NPAS3: variants seen among roughly 807,000 people sequenced by gnomAD.
NPAS3 encodes neuronal PAS domain protein 3.
A neutral mutation model predicts 73.1 loss-of-function variants in NPAS3; 14 were observed. The observed-to-expected ratio is 0.19, with a 90% CI of 0.13 to 0.30. The LOEUF is 0.30. Among genes scored for constraint, NPAS3 ranks in the 10% least tolerant of loss-of-function variants. NPAS3 has a pLI of 1.00. For missense variants in NPAS3, 1,096 were observed against 1,250.0 expected (o/e 0.88, Z 1.86); for synonymous variants, 620 against 541.5 (o/e 1.14, Z -2.01).
chr14:33,721,542 A>G (rs1228241548), intron 6 of NPAS3, among the ~76,000 whole-genome samples: 1 of 152,226 alleles, frequency 6.6e-6, no homozygotes, highest in Admixed American at 6.5e-5. Flanking sequence ...ATTGTCTCCC[A>G]TGCAGACAGT....
intron 2 of NPAS3, among the ~76,000 whole-genome samples, chr14:33,105,095 A>C (rs1039087688): frequency 6.6e-6 from 1 of 152,156 alleles, no homozygotes; most frequent in South Asian, 2.1e-4. Flanking sequence ...CCAGTAATCC[A>C]TAGGTTTGTA....
chr14:32,981,235 T>A (rs1021826407), intron 1 of NPAS3, among the ~76,000 whole-genome samples: 3 of 152,200 alleles, frequency 2.0e-5, no homozygotes, highest in Admixed American at 1.3e-4. Context: ...GAATTTAGAT[T>A]TTAACCCAGC....
chr14:32,987,010 GGT>G (rs984429182), intron 1 of NPAS3, among the ~76,000 whole-genome samples: 5 of 152,094 alleles, frequency 3.3e-5, no homozygotes, highest in African/African-American at 1.2e-4. Context: ...GGAAGAGAGC[GGT>G]GTGCCTGGGC....
At chr14:33,799,519 T>G (rs997067617) in intron 11 of NPAS3, among the ~76,000 whole-genome samples, 2 of 152,154 alleles carry the variant, frequency 1.3e-5, no homozygotes, top group African/African-American at 2.4e-5. Context: ...GCCCGCACTT[T>G]GAGTAACCAT....
At chr14:33,217,012 G>T (rs1366008507) in intron 3 of NPAS3, among the ~76,000 whole-genome samples, 1 of 152,142 alleles carries the variant, frequency 6.6e-6, no homozygotes. Context: ...AACAAAAAAG[G>T]TTTAATTGAC....
intron 3 of NPAS3, among the ~76,000 whole-genome samples, chr14:33,276,224 C>G (rs570110063): frequency 6.6e-6 from 1 of 152,136 alleles, no homozygotes; most frequent in East Asian, 1.9e-4. Context: ...CTGTGACTTG[C>G]AAAAAGTGTT....
At chr14:33,448,674 G>T (rs1480328573) in intron 4 of NPAS3, among the ~76,000 whole-genome samples, 2 of 152,156 alleles carry the variant, frequency 1.3e-5, no homozygotes, top group Non-Finnish European at 2.9e-5. Flanking sequence ...AATTTTGGTG[G>T]TCTTTATCAT....
At chr14:33,796,879 G>A (rs74044750) in intron 10 of NPAS3, among the ~76,000 whole-genome samples, 4 of 152,274 alleles carry the variant, frequency 2.6e-5, no homozygotes, top group African/African-American at 4.8e-5. Context: ...TACACCACAC[G>A]AGCAGATGAA....
intron 5 of NPAS3, among the ~76,000 whole-genome samples, chr14:33,591,351 C>G (rs1282544669): frequency 1.3e-5 from 2 of 152,176 alleles, no homozygotes; most frequent in Non-Finnish European, 2.9e-5. Context: ...AAGCTCCACA[C>G]AAACAATTAT....
chr14:33,211,806 T>C (rs559503132), intron 2 of NPAS3, among the ~76,000 whole-genome samples: 8 of 152,108 alleles, frequency 5.3e-5, no homozygotes, highest in African/African-American at 9.7e-5. Context: ...TCAAAAAGAG[T>C]TGAAATTTTC....
chr14:33,514,234 A>C (rs1413356667), intron 4 of NPAS3, among the ~76,000 whole-genome samples: 1 of 152,054 alleles, frequency 6.6e-6, no homozygotes, highest in African/African-American at 2.4e-5. Flanking sequence ...TGGTATAAGG[A>C]ATAGTGCCTT....
chr14:33,384,976 C>T (rs2046715426), intron 4 of NPAS3, among the ~76,000 whole-genome samples: 1 of 152,030 alleles, frequency 6.6e-6, no homozygotes, highest in Admixed American at 6.6e-5. Flanking sequence ...GTAGGTTGGT[C>T]TTGGGAGGTA....
chr14:33,337,240 T>C (rs1328154280), intron 3 of NPAS3, among the ~76,000 whole-genome samples: 1 of 152,178 alleles, frequency 6.6e-6, no homozygotes, highest in East Asian at 1.9e-4. Context: ...CATTTTGAAT[T>C]AATTTTTGCT....
chr14:33,738,655 GA>G (rs2061582777), intron 7 of NPAS3, among the ~76,000 whole-genome samples: 1 of 152,150 alleles, frequency 6.6e-6, no homozygotes, highest in South Asian at 2.1e-4. Flanking sequence ...TCTCTCCAGT[GA>G]AGTTTCCCAA....
chr14:33,218,004 T>C (rs551942711), intron 3 of NPAS3, among the ~76,000 whole-genome samples: 9 of 152,294 alleles, frequency 5.9e-5, no homozygotes, highest in African/African-American at 2.2e-4. Context: ...CATTTTTATT[T>C]TGTGGCCTTC....
intron 6 of NPAS3, among the ~76,000 whole-genome samples, chr14:33,726,437 T>C (rs936551687): frequency 4.6e-5 from 7 of 152,152 alleles, no homozygotes; most frequent in African/African-American, 1.7e-4. Flanking sequence ...TGTAAAGCCT[T>C]TTACCAATCT....
chr14:33,466,879 A>G (rs901901492), intron 4 of NPAS3, among the ~76,000 whole-genome samples: 6 of 152,168 alleles, frequency 3.9e-5, no homozygotes, highest in African/African-American at 1.4e-4. Flanking sequence ...CCCACCTCCG[A>G]CACTGGGGAT....
At chr14:33,335,549 A>C (rs2044186788) in intron 3 of NPAS3, among the ~76,000 whole-genome samples, 2 of 152,178 alleles carry the variant, frequency 1.3e-5, no homozygotes, top group Admixed American at 1.3e-4. Context: ...CAGGGCAAGG[A>C]GAGCTTTTAG....
intron 3 of NPAS3, among the ~76,000 whole-genome samples, chr14:33,296,674 T>C (rs1254348753): frequency 1.3e-5 from 2 of 152,236 alleles, no homozygotes; most frequent in African/African-American, 2.4e-5. Context: ...TGGTGTCCTA[T>C]GATAGCCACA....
Sources: gnomAD v4.1 joint callset for allele counts (sites outside exome capture counted in the v4.1 genomes callset) on GRCh38, gnomAD v4.1.1 for gene constraint, MANE v1.5 for transcripts, NCBI Gene and HGNC (gene_info 2026-07-23, HGNC 2026-07-21) for gene names.